PAG1: variants seen among roughly 807,000 people sequenced by gnomAD.
PAG1 encodes phosphoprotein membrane anchor with glycosphingolipid microdomains 1.
PAG1 carries 23 observed loss-of-function variants against 31.7 expected under a neutral mutation model. The observed-to-expected ratio is 0.73, with a 90% CI of 0.52 to 1.03. PAG1 has a LOEUF of 1.03. Ranked by LOEUF, PAG1 falls within the 50% of genes least tolerant of loss-of-function variation. The pLI is 0.00. For synonymous variants in PAG1, 214 were observed against 210.3 expected (o/e 1.02, Z -0.15); for missense variants, 473 against 540.7 (o/e 0.87, Z 1.24).
chr8:81,044,416 G>A (rs916808475), intron 2 of PAG1, among the ~76,000 whole-genome samples: 1 of 152,154 alleles, frequency 6.6e-6, no homozygotes, highest in African/African-American at 2.4e-5. Flanking sequence ...TGAAGCCATA[G>A]GCAAAGGCTG....
chr8:81,034,854 A>G (rs1808437427), intron 2 of PAG1, among the ~76,000 whole-genome samples: 1 of 152,170 alleles, frequency 6.6e-6, no homozygotes, highest in South Asian at 2.1e-4. Flanking sequence ...GCCATAACTC[A>G]AAAGAACACA....
chr8:80,994,561 G>C (rs1586152040), intron 3 of PAG1, among the ~76,000 whole-genome samples: 2 of 152,174 alleles, frequency 1.3e-5, no homozygotes, highest in East Asian at 3.9e-4. Context: ...TGTCACAGGA[G>C]CTAAGTGGCA....
At chr8:81,080,103 C>T (rs554443885) in intron 1 of PAG1, among the ~76,000 whole-genome samples, 3 of 152,142 alleles carry the variant, frequency 2.0e-5, no homozygotes, top group Admixed American at 6.6e-5. Context: ...ATTGAATCTC[C>T]GCAAAACTAC....
intron 1 of PAG1, among the ~76,000 whole-genome samples, chr8:81,086,723 G>T (rs1179645657): frequency 1.3e-5 from 2 of 152,110 alleles, no homozygotes; most frequent in Non-Finnish European, 2.9e-5. Flanking sequence ...TGTAGGAAAA[G>T]ATGTTCCACC....
intron 1 of PAG1, among the ~76,000 whole-genome samples, chr8:81,083,285 C>A (rs1000266729): frequency 2.0e-5 from 3 of 152,122 alleles, no homozygotes; most frequent in African/African-American, 7.2e-5. Flanking sequence ...ACTAACACCA[C>A]CCCAGTTGGA....
intron 3 of PAG1, among the ~76,000 whole-genome samples, chr8:81,005,723 G>T (rs1403842762): frequency 6.6e-6 from 1 of 152,194 alleles, no homozygotes; most frequent in African/African-American, 2.4e-5. Flanking sequence ...CAGAGCGCGT[G>T]TCCTGCAGGT....
At chr8:81,049,419 CTA>C (rs1410778540) in intron 2 of PAG1, among the ~76,000 whole-genome samples, 12 of 152,064 alleles carry the variant, frequency 7.9e-5, no homozygotes, top group African/African-American at 2.2e-4. Context: ...ATTTAGTTGT[CTA>C]TATATGTTTT....
At chr8:81,049,877 T>G (rs958759843) in intron 2 of PAG1, among the ~76,000 whole-genome samples, 3 of 152,160 alleles carry the variant, frequency 2.0e-5, no homozygotes, top group African/African-American at 7.2e-5. Context: ...TGACTCCCAG[T>G]AGTTAATCAT....
intron 3 of PAG1, among the ~76,000 whole-genome samples, chr8:81,007,415 AC>A (rs1026098858): frequency 5.3e-5 from 8 of 150,960 alleles, no homozygotes; most frequent in Admixed American, 4.0e-4. Flanking sequence ...GGGGTTCGAG[AC>A]CAGCCTGGCC....
chr8:81,035,925 T>A (rs1054708922), intron 2 of PAG1, among the ~76,000 whole-genome samples: 9 of 152,134 alleles, frequency 5.9e-5, no homozygotes, highest in Non-Finnish European at 7.4e-5. Context: ...ATATACACAG[T>A]TATAAACACA....
chr8:81,033,784 G>A (rs1315957357), intron 2 of PAG1, among the ~76,000 whole-genome samples: 1 of 152,246 alleles, frequency 6.6e-6, no homozygotes. Flanking sequence ...CTGAAACAGA[G>A]CTCCATTCTG....
At chr8:81,054,383 G>A (rs1219698359) in intron 2 of PAG1, among the ~76,000 whole-genome samples, 2 of 152,116 alleles carry the variant, frequency 1.3e-5, no homozygotes, top group Admixed American at 6.5e-5. Flanking sequence ...GCTAACACGA[G>A]GCACAGGGTT....
rs567138841 is a variant in PAG1 at position 81,111,113 on chromosome 8, G to A, written c.-234+478C>T. ...AAGTTGTTTTTTCCCTAAAGGACTA[G>A]GCTCCAATTATGAAAAGGTTGGCAA... On this transcript the variant is annotated intron_variant, in intron 1 of 8. Transcript: ENST00000220597. Among the ~76,000 whole-genome samples, 7 of 152,324 alleles carry A rather than the reference G, an allele frequency of 4.6e-5. No individual in the cohort carries two copies. The South Asian group carries it at 1.4e-3, about 32-fold the overall frequency.
Position 80,979,550 on chromosome 8 carries a change from G to A in PAG1, c.936+885C>T, listed in dbSNP as rs564435424. On this transcript the variant is annotated intron_variant, in intron 8 of 8. Transcript: ENST00000220597. The stretch of plus-strand genomic sequence containing the variant: ...CCATTCTGGAGGTAGAAACATGGAC[G>A]AGGGTGGGCAATATCACCTAGGGAA... Among the ~76,000 whole-genome samples, 6 of 152,334 alleles carry A rather than the reference G, an allele frequency of 3.9e-5. No homozygotes were observed. In the East Asian group the frequency reaches 7.7e-4, roughly 20 times the overall value.
chr8:81,065,876 A>C (rs1373581842), intron 2 of PAG1, among the ~76,000 whole-genome samples: 1 of 151,718 alleles, frequency 6.6e-6, no homozygotes, highest in African/African-American at 2.4e-5. Flanking sequence ...ATATATATAT[A>C]TCAACAAAAT....
chr8:81,091,999 CAAAA>C (rs35485848), intron 1 of PAG1, among the ~76,000 whole-genome samples: 2 of 128,096 alleles, frequency 1.6e-5, no homozygotes, highest in Admixed American at 7.8e-5. Flanking sequence ...GACCTTGTCT[CAAAA>C]AAAAAAAAAA....
intron 2 of PAG1, among the ~76,000 whole-genome samples, chr8:81,063,370 T>G (rs1036902799): frequency 6.6e-6 from 1 of 152,204 alleles, no homozygotes; most frequent in Non-Finnish European, 1.5e-5. Context: ...CATTAAACCT[T>G]GCTCAAGAGA....
At chr8:81,105,712 T>A (rs989501586) in intron 1 of PAG1, among the ~76,000 whole-genome samples, 2 of 152,096 alleles carry the variant, frequency 1.3e-5, no homozygotes, top group African/African-American at 4.8e-5. Context: ...TGGTTTGGGG[T>A]GAAAGGATGG....
intron 1 of PAG1, among the ~76,000 whole-genome samples, chr8:81,072,110 T>C (rs1809103592): frequency 6.6e-6 from 1 of 152,170 alleles, no homozygotes; most frequent in South Asian, 2.1e-4. Context: ...GGGAGAGAGC[T>C]GGGTTATGCA....
Sources: allele counts gnomAD v4.1 joint callset (sites outside exome capture counted in the v4.1 genomes callset), GRCh38; gene constraint gnomAD v4.1.1; transcripts MANE v1.5; gene names NCBI Gene and HGNC (gene_info 2026-07-23, HGNC 2026-07-21).